Variants in CTNND2 observed in about 807,000 individuals in gnomAD.
The protein encoded by CTNND2 is catenin delta 2.
Under a neutral mutation model 144.4 loss-of-function variants are expected in CTNND2, and 22 were observed. That is an observed-to-expected ratio of 0.15 (90% CI 0.11 to 0.22). The LOEUF is 0.22. CTNND2 is among the 10% of genes least tolerant of loss of function. CTNND2 has a pLI of 1.00. For synonymous variants in CTNND2, 751 were observed against 695.6 expected, an observed-to-expected ratio of 1.08 and a Z score of -1.25; for missense variants, 1,353 against 1,618.8, an observed-to-expected ratio of 0.84 and a Z score of 2.82.
At chr5:11,880,994 C>G (rs908417246) in intron 1 of CTNND2, among the ~76,000 whole-genome samples, 1 of 147,786 alleles carries the variant, frequency 6.8e-6, no homozygotes, top group Non-Finnish European at 1.5e-5. Context: ...ACTACTGCTA[C>G]TAGTACTACT....
intron 2 of CTNND2, among the ~76,000 whole-genome samples, chr5:11,579,431 A>T (rs1778239737): frequency 6.6e-6 from 1 of 152,212 alleles, no homozygotes; most frequent in Admixed American, 6.5e-5. Context: ...ATTTTCAGTC[A>T]TAAAGAATAG....
intron 16 of CTNND2, among the ~76,000 whole-genome samples, chr5:11,060,192 T>C (rs904174056): frequency 3.3e-5 from 5 of 152,150 alleles, no homozygotes; most frequent in African/African-American, 9.7e-5. Flanking sequence ...GGGTGGGAGC[T>C]ACCCCCACTG....
chr5:11,390,965 C>G (rs1287345968), intron 6 of CTNND2, among the ~76,000 whole-genome samples: 3 of 152,212 alleles, frequency 2.0e-5, no homozygotes, highest in Admixed American at 2.0e-4. Context: ...GGAGCACATT[C>G]AAAGGAAGGC....
chr5:11,849,199 T>A (rs143744164), intron 1 of CTNND2, among the ~76,000 whole-genome samples: 1 of 151,980 alleles, frequency 6.6e-6, no homozygotes, highest in Non-Finnish European at 1.5e-5. Flanking sequence ...AAGAACCAAG[T>A]GAAAGGGGTT....
Position 11,750,052 on chromosome 5 carries a change from A to G in CTNND2, c.38-17780T>C, listed in dbSNP as rs572890798. ...TATTCTGGCACTTGACTTTCTTCCTATTCTTCAACTAGTACCTTTCTGGTC... is the reference window on the plus strand; with the variant it reads ...TATTCTGGCACTTGACTTTCTTCCTGTTCTTCAACTAGTACCTTTCTGGTC... On this transcript the variant is annotated intron_variant, in intron 1 of 21. Transcript: ENST00000304623. Among the ~76,000 whole-genome samples the G allele has an allele frequency of 2.6e-5, 4 of 152,008 alleles. No homozygotes were observed. In the East Asian group the frequency reaches 5.8e-4, roughly 22 times the overall value.
At chr5:11,529,591 G>T (rs76860616) in intron 3 of CTNND2, among the ~76,000 whole-genome samples, 1 of 152,180 alleles carries the variant, frequency 6.6e-6, no homozygotes, top group African/African-American at 2.4e-5. Flanking sequence ...TTTGGAAACT[G>T]GTTTTGTAGT....
intron 1 of CTNND2, among the ~76,000 whole-genome samples, chr5:11,849,786 A>G (rs2127001778): frequency 6.6e-6 from 1 of 152,338 alleles, no homozygotes; most frequent in South Asian, 2.1e-4. Flanking sequence ...TCTTACACTT[A>G]GACTGGCACA....
intron 1 of CTNND2, among the ~76,000 whole-genome samples, chr5:11,839,442 T>C (rs548662732): frequency 1.8e-4 from 26 of 144,478 alleles, no homozygotes; most frequent in Non-Finnish European, 2.8e-4. Context: ...ACAATGACAA[T>C]TTTTTTTTTA....
chr5:11,733,911 C>T (rs146669963), intron 1 of CTNND2, among the ~76,000 whole-genome samples: 35 of 152,260 alleles, frequency 2.3e-4, no homozygotes, highest in African/African-American at 4.8e-4. Flanking sequence ...CAAATTCATA[C>T]GCTGAAATAT....
At chr5:11,324,376 A>G (rs1303250436) in intron 9 of CTNND2, among the ~76,000 whole-genome samples, 1 of 152,228 alleles carries the variant, frequency 6.6e-6, no homozygotes, top group Non-Finnish European at 1.5e-5. Context: ...ACAGCTTTGC[A>G]TATCATTCTC....
chr5:11,745,797 AATTTATT>A (rs1235790418), intron 1 of CTNND2, among the ~76,000 whole-genome samples: 1 of 152,070 alleles, frequency 6.6e-6, no homozygotes. Context: ...TTTTTCCCTA[AATTTATT>A]TGAGTGGATC....
rs1197024671 is a variant in CTNND2 at position 11,332,487 on chromosome 5, C to T, written c.1628+13885G>A. Among the ~76,000 whole-genome samples, 4 of 152,074 alleles carry T rather than the reference C, an allele frequency of 2.6e-5. No individual in the cohort carries two copies. The East Asian group carries it at 5.8e-4, about 22-fold the overall frequency. On this transcript the variant is annotated intron_variant, in intron 9 of 21. Coordinates refer to ENST00000304623, the MANE Select transcript of CTNND2 (RefSeq NM_001332.4). ...CTTCTATTTATGATGGTAAAATATA[C>T]ATAACATAAAATTTACAATTTTAAC...
chr5:11,026,665 C>T (rs62337240), intron 16 of CTNND2, among the ~76,000 whole-genome samples: 5,266 of 152,114 alleles, frequency 0.035, 135 homozygotes, highest in Non-Finnish European at 0.052. Context: ...CTGACTCTAC[C>T]TTCTAGATTT....
chr5:11,317,546 C>T (rs1373930402), intron 9 of CTNND2, among the ~76,000 whole-genome samples: 2 of 152,124 alleles, frequency 1.3e-5, no homozygotes, highest in Admixed American at 1.3e-4. Flanking sequence ...GTACTTTGTC[C>T]ACTGAAAGTA....
At chr5:11,569,688 T>C (rs1777408207) in intron 2 of CTNND2, among the ~76,000 whole-genome samples, 2 of 152,166 alleles carry the variant, frequency 1.3e-5, no homozygotes, top group South Asian at 2.1e-4. Flanking sequence ...ATCATCCAGA[T>C]TTAAGGAAGT....
At chr5:11,771,211 G>GTTA (rs1302426806) in intron 1 of CTNND2, among the ~76,000 whole-genome samples, 13 of 125,310 alleles carry the variant, frequency 1.0e-4, no homozygotes, top group African/African-American at 4.0e-4. Context: ...TTTTTTTTTG[G>GTTA]GATGGAGTCT....
chr5:11,384,272 C>T lies in CTNND2; in HGVS notation c.1177+393G>A, dbSNP rs1758811767. Among the ~76,000 whole-genome samples the T allele has an allele frequency of 6.6e-6, 1 of 152,176 alleles. No homozygotes were observed. Among genetic ancestry groups the T allele is most frequent in the African/African-American group, 2.4e-5 (1 of 41,444 alleles). On this transcript the variant is annotated intron_variant, in intron 7 of 21. Transcript: ENST00000304623. The surrounding 1 kb of genome is among the most constrained non-coding windows in gnomAD (Gnocchi z 5.2). ...TTTTTCCACAATGAAATGTAGACAA[C>T]TAAAGGTGACCCTGTCAATACTGCA...
chr5:11,023,278 T>C (rs1406729164), intron 16 of CTNND2, among the ~76,000 whole-genome samples: 2 of 152,128 alleles, frequency 1.3e-5, no homozygotes, highest in South Asian at 4.1e-4. Context: ...AAGACAATAA[T>C]GGTACCTGCC....
At chr5:11,208,056 T>A (rs1738235279) in intron 10 of CTNND2, among the ~76,000 whole-genome samples, 1 of 152,156 alleles carries the variant, frequency 6.6e-6, no homozygotes, top group South Asian at 2.1e-4. Flanking sequence ...ATAATTTTCT[T>A]ATATACTAAA....
Sources: allele counts gnomAD v4.1 joint callset (sites outside exome capture counted in the v4.1 genomes callset), GRCh38; gene constraint gnomAD v4.1.1; non-coding constraint Gnocchi (gnomAD v3.1); transcripts MANE v1.5; gene names NCBI Gene and HGNC (gene_info 2026-07-23, HGNC 2026-07-21).